ASTN1: variants seen among roughly 807,000 people sequenced by gnomAD.
The protein encoded by ASTN1 is astrotactin-1.
A neutral mutation model predicts 140.7 loss-of-function variants in ASTN1; 41 were observed. The observed-to-expected ratio is 0.29, with a 90% confidence interval of 0.23 to 0.38. The LOEUF (loss-of-function observed/expected upper bound fraction) is 0.38, where lower values mean the gene tolerates loss of function less well. Among genes scored for constraint, ASTN1 ranks in the 10% least tolerant of loss-of-function variants. ASTN1 has a pLI of 1.00. For synonymous variants in ASTN1, 640 were observed against 652.2 expected (o/e 0.98, Z 0.29); for missense variants, 1,479 against 1,678.8 (o/e 0.88, Z 2.08).
chr1:177,061,613 G>C (rs1281408185), intron 1 of ASTN1, among the ~76,000 whole-genome samples: 1 of 152,110 alleles, frequency 6.6e-6, no homozygotes, highest in African/African-American at 2.4e-5. Context: ...GTAAATACAA[G>C]GTTGTTTGCC....
intron 5 of ASTN1, 93 bp from the exon 6 acceptor site, chr1:177,024,825 G>T: frequency 7.1e-7 from 1 of 1,413,516 alleles, no homozygotes; most frequent in Non-Finnish European, 9.7e-7. Flanking sequence ...GGCAAACAGG[G>T]GAGACAGTTG....
chr1:177,142,146 C>T (rs1682502051), intron 1 of ASTN1, among the ~76,000 whole-genome samples: 1 of 152,204 alleles, frequency 6.6e-6, no homozygotes. Flanking sequence ...AAGATGGCTC[C>T]CTCTGGTCAT....
chr1:177,130,712 C>T (rs1681901964), intron 1 of ASTN1, among the ~76,000 whole-genome samples: 1 of 152,108 alleles, frequency 6.6e-6, no homozygotes, highest in African/African-American at 2.4e-5. Flanking sequence ...CTTGTTAAGG[C>T]CCATCGCACA....
At chr1:177,146,665 T>A (rs1275669890) in intron 1 of ASTN1, among the ~76,000 whole-genome samples, 1 of 152,182 alleles carries the variant, frequency 6.6e-6, no homozygotes, top group African/African-American at 2.4e-5. Context: ...CACTACGGCA[T>A]TTACAAGTTT....
In ASTN1 at chr1:176,869,039, G is replaced by A. The variant is rs771509270; in HGVS notation, c.3464-12C>T. 7 of 1,550,624 alleles carry A rather than the reference G, an allele frequency of 4.5e-6. No individual in the cohort carries two copies. The highest frequency in any genetic ancestry group is 1.8e-5 in the Admixed American group (1 of 54,616). On this transcript the variant is annotated splice_polypyrimidine_tract_variant and intron_variant, in intron 21 of 22. Coordinates refer to ENST00000361833, the MANE Select transcript of ASTN1 (RefSeq NM_004319.3). Reference sequence around the variant, plus strand: ...CTTGTCTGCTATTTCTGAGGAAGGAGGAAAAGGAAAATAAGTTATTTACAT... The same window carrying A: ...CTTGTCTGCTATTTCTGAGGAAGGAAGAAAAGGAAAATAAGTTATTTACAT...
intron 1 of ASTN1, among the ~76,000 whole-genome samples, chr1:177,074,820 A>T (rs1166326770): frequency 6.6e-6 from 1 of 152,184 alleles, no homozygotes; most frequent in Non-Finnish European, 1.5e-5. Flanking sequence ...TTAGTACTTC[A>T]ATTTCAAGAG....
At chr1:176,911,928 C>T (rs1040056111) in intron 16 of ASTN1, among the ~76,000 whole-genome samples, 5 of 152,148 alleles carry the variant, frequency 3.3e-5, no homozygotes, top group South Asian at 2.1e-4. Flanking sequence ...ATGAGAGTGA[C>T]GCATGATGCT....
intron 1 of ASTN1, among the ~76,000 whole-genome samples, chr1:177,091,480 T>A (rs1558088846): frequency 1.3e-5 from 2 of 152,198 alleles, no homozygotes; most frequent in African/African-American, 2.4e-5. Flanking sequence ...ATCTTTGCTA[T>A]CCAATGCAAA....
At chr1:176,875,070 G>C (rs1321388903) in intron 21 of ASTN1, among the ~76,000 whole-genome samples, 1 of 152,154 alleles carries the variant, frequency 6.6e-6, no homozygotes, top group African/African-American at 2.4e-5. Context: ...TGAATGTTCT[G>C]AAGAATAAAA....
Position 177,030,838 on chromosome 1 carries a change from C to T in ASTN1, c.980G>A (p.Ser327Asn), listed in dbSNP as rs1676397457. The T allele has an allele frequency of 1.2e-6, 2 of 1,614,040 alleles. No individual in the cohort carries two copies. Among genetic ancestry groups the T allele is most frequent in the African/African-American group, 2.7e-5 (2 of 74,932 alleles). ...TTTGTTGTTGATCCGCTTTCTCTGG[C>T]TGCTGGAGGTGTGAGAGAGAAGGGT... ...QATLLSHTSS[S>N]QRKRINNKAR... The change falls in exon 4 of 23, where the codon AGC (serine) becomes AAC (asparagine). Residue 327 changes from serine (S) to asparagine (N), a missense_variant. Physicochemically the swap from Ser to Asn is conservative, Grantham distance 46. Coordinates refer to ENST00000361833, the MANE Select transcript of ASTN1 (RefSeq NM_004319.3).
intron 1 of ASTN1, among the ~76,000 whole-genome samples, chr1:177,100,256 C>CT (rs1443835671): frequency 5.3e-5 from 8 of 151,986 alleles, no homozygotes. Flanking sequence ...TTTGGTGATG[C>CT]TTATGTTAAG....
At chr1:177,068,810 T>G (rs1218486378) in intron 1 of ASTN1, among the ~76,000 whole-genome samples, 2 of 151,268 alleles carry the variant, frequency 1.3e-5, no homozygotes, top group African/African-American at 4.9e-5. Flanking sequence ...CTTTTTTTCC[T>G]TCTTTCTTTT....
Position 176,869,003 on chromosome 1 carries a change from A to C in ASTN1, c.3488T>G (p.Leu1163Arg). 1 of 1,597,238 alleles carries C rather than the reference A, an allele frequency of 6.3e-7. No individual in the cohort carries two copies. Among genetic ancestry groups the C allele is most frequent in the Non-Finnish European group, 8.5e-7 (1 of 1,171,044 alleles). ...CTTCCCACTAGTGTAGCCATTGAAG[A>C]GATTGTAGATCTTGTCTGCTATTTC... ...AQEIADKIYN[L>R]FNGYTSGKEQ... The change falls in exon 22 of 23, where the codon CTC (leucine) becomes CGC (arginine). Residue 1163 changes from leucine to arginine, a missense_variant. Around this residue, in one of 3 missense-constraint regions of ASTN1, gnomAD observed 746 missense variants for 800.9 expected, o/e 0.93. Coordinates refer to ENST00000361833, the MANE Select transcript of ASTN1 (RefSeq NM_004319.3).
At chr1:176,970,216 G>A (rs956341526) in intron 8 of ASTN1, among the ~76,000 whole-genome samples, 1 of 152,156 alleles carries the variant, frequency 6.6e-6, no homozygotes, top group Non-Finnish European at 1.5e-5. Flanking sequence ...GTGATGTGTT[G>A]GGCCAGAGGT....
At chr1:177,012,894 T>A (rs904493055) in intron 8 of ASTN1, among the ~76,000 whole-genome samples, 1 of 152,182 alleles carries the variant, frequency 6.6e-6, no homozygotes. Context: ...GAGACAGAGA[T>A]TGGTTATCCA....
chr1:176,894,955 A>T, intron 16 of ASTN1, 125 bp from the exon 17 acceptor site: 3 of 1,332,354 alleles, frequency 2.3e-6, no homozygotes, highest in Non-Finnish European at 3.1e-6. Flanking sequence ...AGGGGTAAGA[A>T]TGTGATTCTG....
At chr1:176,888,278 G>A (rs1025274340) in intron 17 of ASTN1, 74 bp from the exon 18 acceptor site, 25 of 1,550,834 alleles carry the variant, frequency 1.6e-5, no homozygotes, top group Non-Finnish European at 2.2e-5. Flanking sequence ...GAGGCAGAGT[G>A]TCAAGGATCT....
chr1:177,115,937 C>G (rs1190439915), intron 1 of ASTN1, among the ~76,000 whole-genome samples: 1 of 152,138 alleles, frequency 6.6e-6, no homozygotes, highest in Non-Finnish European at 1.5e-5. Flanking sequence ...CCATTGAACA[C>G]TTTATTGGAT....
intron 19 of ASTN1, 108 bp downstream of exon 19, chr1:176,884,231 C>A: frequency 7.5e-7 from 1 of 1,329,926 alleles, no homozygotes; most frequent in Non-Finnish European, 1.0e-6. Flanking sequence ...TCCTGCATTG[C>A]CCTGGGATAC....
Sources: gnomAD v4.1 joint callset for allele counts (sites outside exome capture counted in the v4.1 genomes callset) on GRCh38, gnomAD v4.1.1 for gene constraint, gnomAD v4.1.1 regional missense constraint, MANE v1.5 for transcripts, NCBI Gene and HGNC (gene_info 2026-07-23, HGNC 2026-07-21) for gene names.